The following PRSS23 variants were observed in gnomAD, a reference collection of about 807,000 sequenced individuals.
PRSS23 encodes serine protease 23, also known as protease, serine 23.
Under a neutral mutation model 34.7 loss-of-function variants are expected in PRSS23, and 25 were observed. The ratio of observed to expected loss-of-function variants is 0.72; its 90% CI spans 0.53 to 1.01. The LOEUF (loss-of-function observed/expected upper bound fraction) is 1.01. PRSS23 is among the 50% of genes least tolerant of loss of function. The pLI is 0.00. For synonymous variants in PRSS23, 176 were observed against 186.6 expected (o/e 0.94, Z 0.46); for missense variants, 445 against 475.6 (o/e 0.94, Z 0.60).
In PRSS23 at chr11:86,808,883, CGTGTGTGTGTGTGT is replaced by C. The variant is rs35433370; in HGVS notation, c.*101_*114del. On this transcript the variant is annotated 3_prime_UTR_variant, in exon 2 of 2. Transcript: ENST00000280258. ...TTGTTTTTTGTCATTGGCGTGCACA[CGTGTGTGTGTGTGT>C]GTGTGTGTGTGTAAGGTGTCTTATA... is the stretch of plus-strand genomic sequence containing the variant. 3 of 888,102 alleles carry C rather than the reference CGTGTGTGTGTGTGT, an allele frequency of 3.4e-6. No individual in the cohort carries two copies. Among genetic ancestry groups the C allele is most frequent in the African/African-American group, 1.7e-5 (1 of 58,326 alleles). 55.0% of individuals were successfully genotyped at this position (888,102 alleles called of 1,614,324 possible). A position where few individuals can be genotyped will look rare whatever the true frequency, so the allele number is the denominator to read the frequency against.
intron 2 of PRSS23, chr11:86,858,017 G>A (rs1020345404): frequency 3.4e-6 from 1 of 296,096 alleles, no homozygotes; most frequent in African/African-American, 2.2e-5. Context: ...GCAAGAGGAT[G>A]ATATTACTCC....
intron 2 of PRSS23, chr11:86,951,047 A>C: frequency 5.2e-6 from 7 of 1,336,498 alleles, no homozygotes; most frequent in Non-Finnish European, 7.5e-6. Flanking sequence ...GTTTGTTCAA[A>C]CTGAGATTCA....
intron 2 of PRSS23, among the ~76,000 whole-genome samples, chr11:86,869,393 C>T (rs182228127): frequency 1.3e-5 from 2 of 152,210 alleles, no homozygotes; most frequent in East Asian, 3.9e-4. Context: ...AACTGGGCAC[C>T]TATCAAGGGT....
intron 1 of PRSS23, among the ~76,000 whole-genome samples, chr11:86,793,638 T>G (rs1947964705): frequency 6.6e-6 from 1 of 152,140 alleles, no homozygotes; most frequent in African/African-American, 2.4e-5. Context: ...AGTGGTAAAA[T>G]TTCATGTACA....
Position 86,807,640 on chromosome 11 carries a change from C to T in PRSS23, c.-4C>T, listed in dbSNP as rs745647372. On this transcript the variant is annotated 5_prime_UTR_variant, in exon 2 of 2. Coordinates refer to ENST00000280258, the MANE Select transcript of PRSS23 (RefSeq NM_007173.6). ...GTCTTTGTTTCTACAGAACAGTGCT[C>T]GGCATGGCAGGGATTCCAGGGCTCC... is the stretch of plus-strand genomic sequence containing the variant. The T allele has an allele frequency of 1.9e-5, 30 of 1,604,666 alleles. 1 individual carries two copies. The South Asian group carries it at 2.3e-4, about 13-fold the overall frequency.
chr11:86,890,976 T>C (rs889325417), intron 2 of PRSS23, among the ~76,000 whole-genome samples: 2 of 152,232 alleles, frequency 1.3e-5, no homozygotes, highest in African/African-American at 4.8e-5. Context: ...TAGTTTGCCA[T>C]CTTCAAAATG....
intron 1 of PRSS23, among the ~76,000 whole-genome samples, chr11:86,805,042 C>G (rs1200607762): frequency 6.6e-6 from 1 of 152,130 alleles, no homozygotes; most frequent in Non-Finnish European, 1.5e-5. Flanking sequence ...ACCATGTGCT[C>G]AATGTAAGTC....
chr11:86,838,295 C>T (rs1489584616), intron 2 of PRSS23, among the ~76,000 whole-genome samples: 2 of 152,118 alleles, frequency 1.3e-5, no homozygotes, highest in Admixed American at 1.3e-4. Flanking sequence ...TAGCAAATAG[C>T]AGACCAGGAG....
At chr11:86,837,499 T>C (rs1948415540) in intron 2 of PRSS23, 2 of 152,254 alleles carry the variant, frequency 1.3e-5, no homozygotes, top group African/African-American at 2.4e-5. Context: ...CCAGACACAG[T>C]GGCTCACACC....
intron 2 of PRSS23, among the ~76,000 whole-genome samples, chr11:86,924,190 A>C (rs1949065223): frequency 2.0e-5 from 3 of 152,186 alleles, no homozygotes; most frequent in Admixed American, 2.0e-4. Context: ...AACATTGACC[A>C]GTTCTAATTT....
At chr11:86,833,207 T>G (rs1948374393) in intron 2 of PRSS23, 1 of 1,333,580 alleles carries the variant, frequency 7.5e-7, no homozygotes. Context: ...TGAGATTGGA[T>G]GTCCACAATC....
chr11:86,808,381 T>A lies in PRSS23; in HGVS notation c.738T>A (p.Asp246Glu). ...CCAATGACATCGGCATGGATTATGA[T>A]TATGCCCTCCTGGAACTCAAAAAGC... ...GNANDIGMDY[D>E]YALLELKKPH... The change falls in exon 2 of 2, where the codon GAT (aspartate) becomes GAA (glutamate). Residue 246 changes from aspartate (D) to glutamate (E), a missense_variant. Transcript: ENST00000280258. 6.2e-7 allele frequency: 1 copy of A among 1,614,196 alleles called. No individual in the cohort carries two copies. The highest frequency in any genetic ancestry group is 8.5e-7 in the Non-Finnish European group (1 of 1,180,046).
At position 86,808,092 on chromosome 11, in the gene PRSS23, T is replaced by A. The variant is rs78175873; in HGVS notation, c.449T>A (p.Phe150Tyr). The change falls in exon 2 of 2, where the codon TTC becomes TAC. Residue 150 changes from phenylalanine (F) to tyrosine (Y), a missense_variant. Coordinates refer to ENST00000280258, the MANE Select transcript of PRSS23 (RefSeq NM_007173.6). ...FGKDFLLNYPFSTSVKLSTGC... is the reference protein window; with the variant it reads ...FGKDFLLNYPYSTSVKLSTGC... ...AAGGACTTCCTGCTCAACTACCCTT[T>A]CTCAACATCAGTGAAGTTATCCACG... The A allele has an allele frequency of 6.5e-5, 105 of 1,614,092 alleles. No homozygotes were observed. In the East Asian group the frequency reaches 2.3e-3, roughly 35 times the overall value.
chr11:86,880,884 T>G (rs1948768314), intron 2 of PRSS23, among the ~76,000 whole-genome samples: 1 of 152,214 alleles, frequency 6.6e-6, no homozygotes, highest in African/African-American at 2.4e-5. Context: ...TTTTTAGATA[T>G]CAATCTTGCA....
chr11:86,929,928 C>T (rs773203803), intron 2 of PRSS23, among the ~76,000 whole-genome samples: 3 of 151,878 alleles, frequency 2.0e-5, no homozygotes, highest in Non-Finnish European at 4.4e-5. Flanking sequence ...AAACAAGGTG[C>T]GGAACAGTGT....
chr11:86,869,548 G>A (rs1948671534), intron 2 of PRSS23, among the ~76,000 whole-genome samples: 1 of 152,124 alleles, frequency 6.6e-6, no homozygotes, highest in South Asian at 2.1e-4. Context: ...TGTTCCCAGG[G>A]CACCAACGAG....
intron 2 of PRSS23, chr11:86,947,962 T>G (rs1354620436): frequency 1.3e-5 from 2 of 152,196 alleles, no homozygotes; most frequent in African/African-American, 4.8e-5. Context: ...TCCTCAAATA[T>G]ACCTATACAA....
chr11:86,864,737 G>T (rs1253764001), intron 2 of PRSS23, among the ~76,000 whole-genome samples: 3 of 152,224 alleles, frequency 2.0e-5, no homozygotes, highest in Non-Finnish European at 4.4e-5. Flanking sequence ...TGATCAAGGT[G>T]TCAGCAGAGC....
intron 2 of PRSS23, among the ~76,000 whole-genome samples, chr11:86,878,672 G>T (rs1948743340): frequency 6.6e-6 from 1 of 151,984 alleles, no homozygotes; most frequent in South Asian, 2.1e-4. Flanking sequence ...TGCAGCCTCT[G>T]CCCGGCTGCC....
Sources: allele counts gnomAD v4.1 joint callset (sites outside exome capture counted in the v4.1 genomes callset), GRCh38; gene constraint gnomAD v4.1.1; transcripts MANE v1.5; gene names NCBI Gene and HGNC (gene_info 2026-07-23, HGNC 2026-07-21).